The following SEC22C variants were observed in gnomAD, a reference collection of about 807,000 sequenced individuals.
SEC22C encodes vesicle-trafficking protein SEC22c.
In SEC22C, 29 loss-of-function variants were observed where a neutral mutation model predicts 34.7. That is an observed-to-expected ratio of 0.84 (90% CI 0.62 to 1.14). The LOEUF is 1.14. Among genes scored for constraint, SEC22C ranks in the 50% most tolerant of loss-of-function variants. The pLI is 0.00. For synonymous variants in SEC22C, 117 were observed against 132.8 expected (o/e 0.88, Z 0.82); for missense variants, 337 against 369.0 (o/e 0.91, Z 0.71).
Position 42,568,969 on chromosome 3 carries a change from G to A in SEC22C, c.78C>T (p.His26=), listed in dbSNP as rs757408156. 1.2e-6 allele frequency: 2 copies of A among 1,614,192 alleles called. No individual in the cohort carries two copies. The highest frequency in any genetic ancestry group is 2.2e-5 in the South Asian group (2 of 91,086). Residue 26 remains histidine, a synonymous_variant, in exon 2 of 7, where the codon CAC becomes CAT. Transcript: ENST00000264454. ...TCCTCCATTCCAAAAAATCTTGGGT[G>A]TGGTAAAAATCAGTAGAGGCTGAGA... The part of the protein sequence containing the change: ...LPLSASTDFY[H]TQDFLEWRRR...
intron 1 of SEC22C, among the ~76,000 whole-genome samples, chr3:42,600,030 T>A (rs1369411133): frequency 6.6e-6 from 1 of 152,230 alleles, no homozygotes; most frequent in African/African-American, 2.4e-5. Context: ...CAATCATTTA[T>A]GTAACAAAAG....
intron 1 of SEC22C, chr3:42,590,970 A>G (rs775368887): frequency 9.8e-5 from 47 of 480,734 alleles, no homozygotes; most frequent in Admixed American, 8.6e-4. Context: ...CCAGCGGGTG[A>G]GCATCCACGC....
At chr3:42,594,653 C>A in intron 1 of SEC22C, 1 of 603,856 alleles carries the variant, frequency 1.7e-6, no homozygotes, top group East Asian at 2.8e-5. Context: ...TCTTTCGAAA[C>A]GTGAAAATGT....
intron 1 of SEC22C, among the ~76,000 whole-genome samples, chr3:42,574,366 A>G (rs1333923034): frequency 2.0e-5 from 3 of 148,162 alleles, no homozygotes; most frequent in African/African-American, 7.3e-5. Context: ...CCTGTCTCAA[A>G]AAAAAAAAAA....
intron 1 of SEC22C, among the ~76,000 whole-genome samples, chr3:42,598,946 T>C (rs1474243694): frequency 7.1e-6 from 1 of 141,702 alleles, no homozygotes; most frequent in Non-Finnish European, 1.5e-5. Context: ...TCTAGATATC[T>C]GTAGATCTAT....
intron 1 of SEC22C, among the ~76,000 whole-genome samples, chr3:42,593,998 C>G (rs1704951499): frequency 6.6e-6 from 1 of 152,146 alleles, no homozygotes; most frequent in Non-Finnish European, 1.5e-5. Context: ...CAGAGGGGGA[C>G]TGGAGGCCCC....
At chr3:42,582,132 G>C (rs371365400), upstream of SEC22C, 5 of 152,366 alleles carry the variant, frequency 3.3e-5, no homozygotes, top group African/African-American at 1.2e-4. Flanking sequence ...CGACCCAAAC[G>C]GAGAGGGAGT....
At position 42,553,038 on chromosome 3, in the gene SEC22C, T is replaced by G; in HGVS notation, c.*210A>C. The G allele has an allele frequency of 7.1e-7, 1 of 1,404,500 alleles. No homozygotes were observed. The highest frequency in any genetic ancestry group is 9.2e-7 in the Non-Finnish European group (1 of 1,083,042). The allele number at this position is 1,404,500 out of a possible 1,614,324, so 87.0% of individuals were successfully genotyped here. On this transcript the variant is annotated 3_prime_UTR_variant, in exon 7 of 7. Coordinates refer to ENST00000264454, the MANE Select transcript of SEC22C (RefSeq NM_032970.4). Reference sequence around the variant, plus strand: ...GTAAACGTGCTGAACTGGCTGGAGATCCTGCAGTAATGCTTGGCACAGAAC... The same window carrying G: ...GTAAACGTGCTGAACTGGCTGGAGAGCCTGCAGTAATGCTTGGCACAGAAC...
In SEC22C at chr3:42,551,973, A is replaced by T. The variant is rs1315988082; in HGVS notation, c.*1275T>A. 1.5e-5 allele frequency: 15 copies of T among 985,256 alleles called. No homozygotes were observed. The highest frequency in any genetic ancestry group is 5.2e-4 in the Middle Eastern group (1 of 1,936). The allele number at this position is 985,256 out of a possible 1,614,324, so 61.0% of individuals were successfully genotyped here. A position where few individuals can be genotyped will look rare whatever the true frequency, so the allele number is the denominator to read the frequency against. ...ATGCAACTGTGGTTGAACTATTCAG[A>T]TTCCAGACTTCTACCAAGAACAATC... On this transcript the variant is annotated 3_prime_UTR_variant, in exon 7 of 7. Coordinates refer to ENST00000264454, the MANE Select transcript of SEC22C (RefSeq NM_032970.4).
chr3:42,567,664 T>C (rs1205514446), intron 2 of SEC22C, among the ~76,000 whole-genome samples: 1 of 152,220 alleles, frequency 6.6e-6, no homozygotes, highest in Non-Finnish European at 1.5e-5. Flanking sequence ...TTTTCCCCAC[T>C]GTATTATAGT....
chr3:42,559,652 T>A (rs1485084688), intron 4 of SEC22C, among the ~76,000 whole-genome samples: 10 of 152,204 alleles, frequency 6.6e-5, no homozygotes. Context: ...CATAAAACAG[T>A]TAAAAACAAA....
chr3:42,553,246 C>T lies in SEC22C; in HGVS notation c.*2G>A. On this transcript the variant is annotated 3_prime_UTR_variant, in exon 7 of 7. Coordinates refer to ENST00000264454, the MANE Select transcript of SEC22C (RefSeq NM_032970.4). Reference sequence around the variant, plus strand: ...AAGAATCCATTCATCACAGTGTCATCCTCATACTCCACAGTCAGACTGCTT... The same window carrying T: ...AAGAATCCATTCATCACAGTGTCATTCTCATACTCCACAGTCAGACTGCTT... 1 of 1,613,982 alleles carries T rather than the reference C, an allele frequency of 6.2e-7. No homozygotes were observed.
At chr3:42,591,752 C>T (rs1704855587) in intron 1 of SEC22C, 5 of 639,296 alleles carry the variant, frequency 7.8e-6, no homozygotes, top group Non-Finnish European at 1.4e-5. Context: ...GTTTGCCAAC[C>T]TGCCCAAGAC....
Position 42,591,461 on chromosome 3 carries a change from G to A in SEC22C, c.-28+9499C>T, listed in dbSNP as rs141059504. 4.6e-3 allele frequency: 5,675 copies of A among 1,245,024 alleles called. 214 individuals are homozygous for A. In the African/African-American group the frequency reaches 0.072, roughly 16 times the overall value. 77.1% of individuals were successfully genotyped at this position (1,245,024 alleles called of 1,614,324 possible). ...GCCTAGATCGGCCTCCCAAAGGGCCGGGGTTACAGGCGTGAGCCACTGCGC... is the reference window on the plus strand; with the variant it reads ...GCCTAGATCGGCCTCCCAAAGGGCCAGGGTTACAGGCGTGAGCCACTGCGC... On this transcript the variant is annotated intron_variant, in intron 1 of 6. Transcript: ENST00000417572.
rs552414456 is a variant in SEC22C, at chr3:42,552,875, G to C, written c.*373C>G. 9.6e-7 allele frequency: 1 copy of C among 1,036,288 alleles called. No individual in the cohort carries two copies. Among genetic ancestry groups the C allele is most frequent in the East Asian group, 9.4e-5 (1 of 10,614 alleles). The allele number at this position is 1,036,288 out of a possible 1,614,324, so 64.2% of individuals were successfully genotyped here. A position where few individuals can be genotyped will look rare whatever the true frequency, so the allele number is the denominator to read the frequency against. ...TTGGATTTTAAAGTGGTTCCTTGGA[G>C]ACAACTCTCAATGACTAAAACCAGT... On this transcript the variant is annotated 3_prime_UTR_variant, in exon 7 of 7. Coordinates refer to ENST00000264454, the MANE Select transcript of SEC22C (RefSeq NM_032970.4).
chr3:42,556,665 TTTAAAAG>T (rs1421967572), intron 5 of SEC22C, among the ~76,000 whole-genome samples: 2 of 152,236 alleles, frequency 1.3e-5, no homozygotes, highest in Non-Finnish European at 2.9e-5. Flanking sequence ...TGGCACTATC[TTTAAAAG>T]TAATATCTAT....
In SEC22C at chr3:42,552,656, C is replaced by G; in HGVS notation, c.*592G>C. ...TTCTCAGCTTAAGTTTGCCCTCACC[C>G]TAAATGAAGTCCAATTTATATCCAA... On this transcript the variant is annotated 3_prime_UTR_variant, in exon 7 of 7. Coordinates refer to ENST00000264454, the MANE Select transcript of SEC22C (RefSeq NM_032970.4). 1 of 983,944 alleles carries G rather than the reference C, an allele frequency of 1.0e-6. No individual in the cohort carries two copies. The highest frequency in any genetic ancestry group is 4.7e-5 in the South Asian group (1 of 21,260). The allele number at this position is 983,944 out of a possible 1,614,324, so 61.0% of individuals were successfully genotyped here. A position where few individuals can be genotyped will look rare whatever the true frequency, so the allele number is the denominator to read the frequency against.
chr3:42,589,688 C>A (rs1704748442), intron 1 of SEC22C, among the ~76,000 whole-genome samples: 1 of 152,180 alleles, frequency 6.6e-6, no homozygotes, highest in South Asian at 2.1e-4. Context: ...ATCTAGGTTG[C>A]GCGCTCCTAA....
intron 2 of SEC22C, chr3:42,566,743 C>A: frequency 3.2e-6 from 1 of 310,138 alleles, no homozygotes. Context: ...GTGGCTCATA[C>A]CTATAATCCC....
Sources: allele counts gnomAD v4.1 joint callset (sites outside exome capture counted in the v4.1 genomes callset), GRCh38; gene constraint gnomAD v4.1.1; transcripts MANE v1.5; gene names NCBI Gene and HGNC (gene_info 2026-07-23, HGNC 2026-07-21).